The following TASP1 variants were observed in gnomAD, a reference collection of about 807,000 sequenced individuals.
TASP1 encodes threonine aspartase 1.
Under a neutral mutation model 56.6 loss-of-function variants are expected in TASP1, and 16 were observed. The ratio of observed to expected loss-of-function variants is 0.28; its 90% CI spans 0.19 to 0.43. TASP1 has a LOEUF of 0.43. Ranked by LOEUF, TASP1 falls within the 20% of genes least tolerant of loss-of-function variation. The pLI is 1.00. For synonymous variants in TASP1, 179 were observed against 184.2 expected, an observed-to-expected ratio of 0.97 and a Z score of 0.23; for missense variants, 393 against 511.6, an observed-to-expected ratio of 0.77 and a Z score of 2.24.
At chr20:13,289,866 A>T in the TASP1 span, among the ~76,000 whole-genome samples, 1 of 152,186 alleles carries the variant, frequency 6.6e-6, no homozygotes, top group Non-Finnish European at 1.5e-5. Flanking sequence ...GAAACCACAC[A>T]TTCCAAATGG....
At chr20:13,409,151 T>C (rs1157768735) in intron 13 of TASP1, among the ~76,000 whole-genome samples, 1 of 152,108 alleles carries the variant, frequency 6.6e-6, no homozygotes, top group Non-Finnish European at 1.5e-5. Flanking sequence ...TTAATTATCA[T>C]TCAGTTGAAA....
intron 10 of TASP1, among the ~76,000 whole-genome samples, chr20:13,520,038 T>C (rs2044681338): frequency 6.6e-6 from 1 of 152,018 alleles, no homozygotes; most frequent in South Asian, 2.1e-4. Flanking sequence ...TCAAAGAGAA[T>C]AAAATAGCTA....
intron 7 of TASP1, among the ~76,000 whole-genome samples, chr20:13,559,550 C>T (rs2046273318): frequency 6.6e-6 from 1 of 151,904 alleles, no homozygotes; most frequent in African/African-American, 2.4e-5. Flanking sequence ...CCACCAGGCA[C>T]CAAAAAATAA....
chr20:13,582,862 C>T (rs2047174354), intron 5 of TASP1, among the ~76,000 whole-genome samples: 1 of 152,104 alleles, frequency 6.6e-6, no homozygotes, highest in Non-Finnish European at 1.5e-5. Context: ...AAGTACGTTT[C>T]CTTTGCCAGC....
intron 12 of TASP1, among the ~76,000 whole-genome samples, chr20:13,423,499 A>C (rs957029554): frequency 1.3e-5 from 2 of 152,228 alleles, no homozygotes; most frequent in African/African-American, 2.4e-5. Flanking sequence ...TTAAAAAAAA[A>C]CACTAGTCTA....
chr20:13,579,780 T>C (rs1248834185), intron 6 of TASP1, among the ~76,000 whole-genome samples: 1 of 152,218 alleles, frequency 6.6e-6, no homozygotes, highest in Non-Finnish European at 1.5e-5. Context: ...TAAAAATTGA[T>C]ATTTGAGATT....
chr20:13,438,276 A>T (rs1340168264), intron 11 of TASP1, among the ~76,000 whole-genome samples: 28 of 152,218 alleles, frequency 1.8e-4, no homozygotes, highest in African/African-American at 6.5e-4. Context: ...TACAGTAATC[A>T]AAACAGCATG....
chr20:13,279,248 A>C, the TASP1 span, among the ~76,000 whole-genome samples: 76 of 152,340 alleles, frequency 5.0e-4, no homozygotes, highest in Non-Finnish European at 8.7e-4. Flanking sequence ...GAACAAATAT[A>C]GTACATGTTT....
chr20:13,299,477 G>A, the TASP1 span: 1 of 1,576,942 alleles, frequency 6.3e-7, no homozygotes, highest in Non-Finnish European at 8.6e-7. This position sits in a 1 kb window ranked among gnomAD's most constrained non-coding sequence, Gnocchi z 5.8. Context: ...GGGATGAGGT[G>A]GAGGACGCTG....
chr20:13,265,190 A>C, the TASP1 span, among the ~76,000 whole-genome samples: 1 of 152,204 alleles, frequency 6.6e-6, no homozygotes, highest in Non-Finnish European at 1.5e-5. Context: ...TCCTTCACCA[A>C]GATTGCAAAG....
chr20:13,609,750 C>G (rs1045535800), intron 4 of TASP1, among the ~76,000 whole-genome samples: 1 of 148,878 alleles, frequency 6.7e-6, no homozygotes, highest in African/African-American at 2.5e-5. Context: ...AGCAATTTCA[C>G]TTCTAGGTAT....
chr20:13,391,840 C>T (rs906696692), intron 13 of TASP1, among the ~76,000 whole-genome samples: 8 of 151,602 alleles, frequency 5.3e-5, no homozygotes, highest in South Asian at 2.1e-4. Flanking sequence ...TGGTGGCAGG[C>T]GCCTGTAGTC....
intron 1 of TASP1, among the ~76,000 whole-genome samples, chr20:13,633,239 A>C (rs2049164590): frequency 6.6e-6 from 1 of 152,202 alleles, no homozygotes; most frequent in Non-Finnish European, 1.5e-5. Context: ...TAATTTTTTA[A>C]GGTATGGTAC....
the TASP1 span, among the ~76,000 whole-genome samples, chr20:13,225,880 G>GGATATA: frequency 6.6e-6 from 1 of 151,986 alleles, no homozygotes; most frequent in South Asian, 2.1e-4. Context: ...ACATAGATAT[G>GGATATA]GATATAGATA....
chr20:13,498,351 G>C (rs1190091766), intron 10 of TASP1, among the ~76,000 whole-genome samples: 1 of 142,648 alleles, frequency 7.0e-6, no homozygotes, highest in Non-Finnish European at 1.6e-5. Flanking sequence ...GTGTGTGTGT[G>C]TGTGTGTGTG....
At chr20:13,238,438 G>A in the TASP1 span, among the ~76,000 whole-genome samples, 1 of 152,076 alleles carries the variant, frequency 6.6e-6, no homozygotes, top group Non-Finnish European at 1.5e-5. Flanking sequence ...CCTTCAGTAG[G>A]GTAAACATTT....
At chr20:13,578,098 T>C (rs1413477201) in intron 6 of TASP1, among the ~76,000 whole-genome samples, 1 of 152,196 alleles carries the variant, frequency 6.6e-6, no homozygotes, top group Non-Finnish European at 1.5e-5. Context: ...AACTGGCTGT[T>C]TATGTTCCCA....
chr20:13,549,404 T>C (rs1568570245), intron 8 of TASP1, among the ~76,000 whole-genome samples: 1 of 152,186 alleles, frequency 6.6e-6, no homozygotes, highest in African/African-American at 2.4e-5. Context: ...GATCTTAAAA[T>C]ACCCTTGTAC....
the TASP1 span, among the ~76,000 whole-genome samples, chr20:13,311,071 G>A: frequency 1.3e-5 from 2 of 152,130 alleles, no homozygotes; most frequent in African/African-American, 2.4e-5. Context: ...GCGGGTGCCT[G>A]TAATCCCAGC....
Sources: allele counts gnomAD v4.1 joint callset (sites outside exome capture counted in the v4.1 genomes callset), GRCh38; gene constraint gnomAD v4.1.1; non-coding constraint Gnocchi (gnomAD v3.1); transcripts MANE v1.5; gene names NCBI Gene and HGNC (gene_info 2026-07-23, HGNC 2026-07-21).